The following STX3 variants were observed in gnomAD, a reference collection of about 807,000 sequenced individuals.
STX3 encodes syntaxin-3.
In STX3, 19 loss-of-function variants were observed where a neutral mutation model predicts 40.2. The ratio of observed to expected loss-of-function variants is 0.47; its 90% CI spans 0.33 to 0.69. STX3 has a LOEUF of 0.69. Ranked by LOEUF, STX3 falls within the 30% of genes least tolerant of loss-of-function variation. The probability of loss-of-function intolerance (pLI) is 0.02; values close to 1 mark genes in which losing one functional copy is unlikely to be tolerated. For synonymous variants in STX3, 122 were observed against 132.2 expected, an observed-to-expected ratio of 0.92 and a Z score of 0.53; for missense variants, 364 against 366.7, an observed-to-expected ratio of 0.99 and a Z score of 0.06.
intron 1 of STX3, among the ~76,000 whole-genome samples, chr11:59,759,990 A>T (rs976516300): frequency 2.0e-5 from 3 of 152,166 alleles, no homozygotes; most frequent in Non-Finnish European, 4.4e-5. Flanking sequence ...ATAAAATTTC[A>T]TTCAAGTCAG....
intron 2 of STX3, among the ~76,000 whole-genome samples, chr11:59,785,399 A>G (rs532087119): frequency 6.6e-6 from 1 of 152,134 alleles, no homozygotes; most frequent in African/African-American, 2.4e-5. Context: ...TGGCATGATC[A>G]TGGCTCACTG....
intron 2 of STX3, among the ~76,000 whole-genome samples, chr11:59,777,801 T>G (rs1475074384): frequency 1.3e-5 from 2 of 152,202 alleles, no homozygotes; most frequent in African/African-American, 4.8e-5. Context: ...AACAACTGTT[T>G]GTTTTGCTGA....
intron 8 of STX3, among the ~76,000 whole-genome samples, chr11:59,794,193 C>T (rs1382923059): frequency 4.6e-5 from 7 of 152,022 alleles, no homozygotes; most frequent in Non-Finnish European, 1.0e-4. Context: ...CAGAAAGACT[C>T]GAAACACTCG....
intron 2 of STX3, 91 bp downstream of exon 2, chr11:59,773,385 G>A: frequency 7.4e-7 from 1 of 1,343,522 alleles, no homozygotes; most frequent in Non-Finnish European, 1.0e-6. Flanking sequence ...TTTCAGGGTA[G>A]CAGAGGAAGG....
intron 2 of STX3, among the ~76,000 whole-genome samples, chr11:59,776,823 T>C (rs1027181480): frequency 2.6e-5 from 4 of 152,356 alleles, no homozygotes; most frequent in Non-Finnish European, 4.4e-5. Flanking sequence ...CCACTTTGGC[T>C]GATCAAGCCA....
Position 59,797,344 on chromosome 11 carries a change from G to A in STX3, c.848G>A (p.Gly283Glu). Residue 283 changes from glycine (G) to glutamate (E), a missense_variant, in exon 10 of 11, where the codon GGA (glycine) becomes GAA (glutamate). Transcript: ENST00000337979. ...VLLGILALII[G>E]LSVGLN ...CTGGGCATTTTAGCATTGATTATTGGACTTTCCGTTGGGCTGAATTAAGAG... is the reference window on the plus strand; with the variant it reads ...CTGGGCATTTTAGCATTGATTATTGAACTTTCCGTTGGGCTGAATTAAGAG... The A allele has an allele frequency of 6.2e-7, 1 of 1,614,064 alleles. No homozygotes were observed. Among genetic ancestry groups the A allele is most frequent in the Non-Finnish European group, 8.5e-7 (1 of 1,180,004 alleles).
rs747683689 is a variant in STX3, at chr11:59,801,304, T to A, written c.*480T>A. 3.5e-5 allele frequency: 35 copies of A among 997,800 alleles called. No homozygotes were observed. Among genetic ancestry groups the A allele is most frequent in the Non-Finnish European group, 4.1e-5 (34 of 837,374 alleles). The allele number at this position is 997,800 out of a possible 1,614,324, so 61.8% of individuals were successfully genotyped here. On this transcript the variant is annotated 3_prime_UTR_variant, in exon 11 of 11. Transcript: ENST00000337979. ...AACAAGAAGGCTTGGATCTGAGTCT[T>A]CTACCTGGCAGGATGCCAATCCTGT...
intron 2 of STX3, among the ~76,000 whole-genome samples, chr11:59,783,061 T>C (rs17154157): frequency 0.1 from 15,741 of 151,964 alleles, 1,139 homozygotes; most frequent in African/African-American, 0.2. Context: ...TAGCTGTAAA[T>C]TTTACATGGT....
rs1261037128 is a variant in STX3 at position 59,800,718 on chromosome 11, G to GATA, written c.*31-137_*31-136insATA. The GATA allele has an allele frequency of 1.1e-5, 16 of 1,471,452 alleles. No homozygotes were observed. In the African/African-American group the frequency reaches 2.1e-4, roughly 19 times the overall value. 91.1% of individuals were successfully genotyped at this position (1,471,452 alleles called of 1,614,324 possible). A position where few individuals can be genotyped will look rare whatever the true frequency, so the allele number is the denominator to read the frequency against. On this transcript the variant is annotated intron_variant, in intron 10 of 10. Coordinates refer to ENST00000337979, the MANE Select transcript of STX3 (RefSeq NM_004177.5). ...TGTACAGTGGGATATTTAACTCCAAGTTCTGTCCTGGGTTTGTCTATTTCA... is the reference window on the plus strand; with the variant it reads ...TGTACAGTGGGATATTTAACTCCAAGATATTCTGTCCTGGGTTTGTCTATTTCA...
At chr11:59,792,280 T>G in intron 6 of STX3, 65 bp downstream of exon 6, 1 of 1,412,924 alleles carries the variant, frequency 7.1e-7, no homozygotes, top group Non-Finnish European at 9.9e-7. Context: ...CATCCCAAGT[T>G]TTGAGGCCCT....
chr11:59,766,968 A>G (rs947157334), intron 1 of STX3, among the ~76,000 whole-genome samples: 1 of 152,172 alleles, frequency 6.6e-6, no homozygotes, highest in Non-Finnish European at 1.5e-5. Flanking sequence ...GGTTGCAAAT[A>G]TTTTTATAAA....
At chr11:59,789,026 G>A in intron 4 of STX3, 79 bp downstream of exon 4, 1 of 1,303,338 alleles carries the variant, frequency 7.7e-7, no homozygotes, top group Non-Finnish European at 1.1e-6. Flanking sequence ...TTTCCGAACT[G>A]AAACTCCTCT....
chr11:59,767,373 C>A (rs1863332970), intron 1 of STX3, among the ~76,000 whole-genome samples: 1 of 152,154 alleles, frequency 6.6e-6, no homozygotes, highest in Admixed American at 6.5e-5. Context: ...TGTAATGTTC[C>A]TATTACCAGA....
intron 1 of STX3, among the ~76,000 whole-genome samples, chr11:59,763,366 T>G (rs1222078312): frequency 6.6e-6 from 1 of 152,192 alleles, no homozygotes; most frequent in Non-Finnish European, 1.5e-5. Context: ...CCCCCTCTTC[T>G]TCCTTTCTTG....
chr11:59,790,573 T>A lies in STX3; in HGVS notation c.344T>A (p.Ile115Asn). Reference protein sequence around the residue: ...DEVRSSADLRIRKSQHSVLSR... With the variant: ...DEVRSSADLRNRKSQHSVLSR... ...GTCAGGTCATCGGCAGACCTTCGGA[T>A]TCGGAAATCCCAGGTAAGACTTTTC... is the stretch of plus-strand genomic sequence containing the variant. Residue 115 changes from isoleucine (I) to asparagine (N), a missense_variant, in exon 5 of 11, where the codon ATT (isoleucine) becomes AAT (asparagine). By Grantham distance (149) the Ile-to-Asn change is moderately radical. Coordinates refer to ENST00000337979, the MANE Select transcript of STX3 (RefSeq NM_004177.5). 1 of 1,613,800 alleles carries A rather than the reference T, an allele frequency of 6.2e-7. No individual in the cohort carries two copies. The highest frequency in any genetic ancestry group is 8.5e-7 in the Non-Finnish European group (1 of 1,179,720).
chr11:59,786,244 T>TTTC (rs1491284688), intron 2 of STX3, among the ~76,000 whole-genome samples: 9 of 132,128 alleles, frequency 6.8e-5, no homozygotes, highest in African/African-American at 1.8e-4. Flanking sequence ...TCTTTCTTTC[T>TTTC]TTTTTTTTTT....
chr11:59,789,178 A>C, intron 4 of STX3: 1 of 381,506 alleles, frequency 2.6e-6, no homozygotes, highest in Non-Finnish European at 4.8e-6. Flanking sequence ...CTAGGAGATG[A>C]GAATTAAAAT....
At position 59,804,226 on chromosome 11, in the gene STX3, G is replaced by C. The variant is rs1374470206; in HGVS notation, c.*3402G>C. On this transcript the variant is annotated 3_prime_UTR_variant, in exon 11 of 11. Coordinates refer to ENST00000337979, the MANE Select transcript of STX3 (RefSeq NM_004177.5). ...GAACTGCTGTGAGTTGGTCAAGTCA[G>C]GGCACTTCTGCTCTTCAGGCTCCTC... The C allele has an allele frequency of 6.6e-6, 1 of 152,174 alleles. No individual in the cohort carries two copies. The highest frequency in any genetic ancestry group is 1.5e-5 in the Non-Finnish European group (1 of 68,050). The allele number at this position is 152,174 out of a possible 1,614,324, so 9.4% of individuals were successfully genotyped here.
rs768468793 is a variant in STX3, at chr11:59,805,532, G to C, written c.*4708G>C. On this transcript the variant is annotated 3_prime_UTR_variant, in exon 11 of 11. Coordinates refer to ENST00000337979, the MANE Select transcript of STX3 (RefSeq NM_004177.5). ...TGTGCTTCCTTTAGTTTTAATAGGG[G>C]ATAGAAGACTGCAGCTGGTTGGGTC... 7 of 152,188 alleles carry C rather than the reference G, an allele frequency of 4.6e-5. No homozygotes were observed. Among genetic ancestry groups the C allele is most frequent in the Non-Finnish European group, 7.3e-5 (5 of 68,038 alleles). The allele number at this position is 152,188 out of a possible 1,614,324, so 9.4% of individuals were successfully genotyped here.
Sources: gnomAD v4.1 joint callset for allele counts (sites outside exome capture counted in the v4.1 genomes callset) on GRCh38, gnomAD v4.1.1 for gene constraint, MANE v1.5 for transcripts, NCBI Gene and HGNC (gene_info 2026-07-23, HGNC 2026-07-21) for gene names.